Variants in PPIH observed in about 807,000 individuals in gnomAD.
The protein encoded by PPIH is peptidyl-prolyl cis-trans isomerase H.
PPIH carries 16 observed loss-of-function variants against 27.6 expected under a neutral mutation model. That is an observed-to-expected ratio of 0.58 (90% CI 0.39 to 0.88). The LOEUF is 0.88. Ranked by LOEUF, PPIH falls within the 40% of genes least tolerant of loss-of-function variation. PPIH has a pLI of 0.00. For synonymous variants in PPIH, 63 were observed against 76.1 expected, an observed-to-expected ratio of 0.83 and a Z score of 0.90; for missense variants, 155 against 224.1, an observed-to-expected ratio of 0.69 and a Z score of 1.97.
At chr1:42,669,273 C>T (rs1032755094) in intron 9 of PPIH, among the ~76,000 whole-genome samples, 3 of 151,892 alleles carry the variant, frequency 2.0e-5, no homozygotes, top group African/African-American at 7.3e-5. Flanking sequence ...CCCAAATGCT[C>T]CAAAATATGA....
intron 9 of PPIH, 107 bp downstream of exon 9, chr1:42,667,547 C>T: frequency 1.1e-6 from 1 of 883,514 alleles, no homozygotes; most frequent in East Asian, 2.7e-5. Flanking sequence ...AGCCCAGTTC[C>T]TCCGTGTATG....
intron 5 of PPIH, among the ~76,000 whole-genome samples, chr1:42,663,807 CT>C: frequency 6.6e-6 from 1 of 152,194 alleles, no homozygotes; most frequent in Middle Eastern, 3.4e-3. Context: ...AATGGTAGTT[CT>C]TTTCCAAAAA....
intron 5 of PPIH, among the ~76,000 whole-genome samples, chr1:42,661,689 GTTTA>G (rs1300445635): frequency 6.6e-6 from 1 of 152,076 alleles, no homozygotes; most frequent in African/African-American, 2.4e-5. Context: ...TCTTTTATGT[GTTTA>G]TTTAGTCTGA....
At chr1:42,667,660 A>G (rs1053450235) in intron 9 of PPIH, among the ~76,000 whole-genome samples, 1 of 152,188 alleles carries the variant, frequency 6.6e-6, no homozygotes, top group Non-Finnish European at 1.5e-5. Context: ...ATAAAAAGAG[A>G]AAGGGTTGTA....
At chr1:42,658,726 G>A (rs1648808022) in intron 1 of PPIH, 118 bp from the exon 2 acceptor site, 4 of 1,271,136 alleles carry the variant, frequency 3.1e-6, no homozygotes, top group Admixed American at 1.8e-5. Flanking sequence ...TTAGACTAGG[G>A]AGGCGGAGGT....
chr1:42,666,106 A>G, intron 7 of PPIH, 39 bp downstream of exon 7: 1 of 1,572,860 alleles, frequency 6.4e-7, no homozygotes, highest in Non-Finnish European at 8.8e-7. Flanking sequence ...GGCCCCATTC[A>G]CCCTGGATGG....
At chr1:42,677,736 G>A (rs1649931553), downstream of PPIH, among the ~76,000 whole-genome samples, 1 of 152,068 alleles carries the variant, frequency 6.6e-6, no homozygotes, top group Non-Finnish European at 1.5e-5. Flanking sequence ...TGAGGCAGGA[G>A]GATGCTTGAG....
Position 42,667,380 on chromosome 1 carries a change from C to G in PPIH, c.495C>G (p.Pro165=), listed in dbSNP as rs753600098. ...TTCCCACAGGCCCCAACAATAAGCCCAAGCTACCTGTGGTGATCTCGCAGT... is the reference window on the plus strand; with the variant it reads ...TTCCCACAGGCCCCAACAATAAGCCGAAGCTACCTGTGGTGATCTCGCAGT... ...ENVPTGPNNK[P]KLPVVISQCG... is the part of the protein sequence containing the mutation. Residue 165 remains proline, a synonymous_variant, in exon 9 of 10, where the codon CCC becomes CCG. Transcript: ENST00000304979. 1 of 1,609,486 alleles carries G rather than the reference C, an allele frequency of 6.2e-7. No homozygotes were observed. Among genetic ancestry groups the G allele is most frequent in the Admixed American group, 1.7e-5 (1 of 60,012 alleles).
chr1:42,659,303 G>C, intron 3 of PPIH, 52 bp downstream of exon 3: 2 of 1,614,178 alleles, frequency 1.2e-6, no homozygotes, highest in Non-Finnish European at 1.7e-6. Context: ...GGGTGTTCTG[G>C]GGCTGCAGTG....
At chr1:42,667,478 C>T (rs1440189815) in intron 9 of PPIH, 38 bp downstream of exon 9, 73 of 1,501,300 alleles carry the variant, frequency 4.9e-5, no homozygotes, top group Non-Finnish European at 5.5e-6. Flanking sequence ...AGGAATCAGA[C>T]CTCAGAGAAG....
At chr1:42,674,207 A>G (rs59665447) in intron 9 of PPIH, among the ~76,000 whole-genome samples, 73,629 of 152,140 alleles carry the variant, frequency 0.48, 18,020 homozygotes, top group African/African-American at 0.52. Flanking sequence ...GGATCTTCCC[A>G]GAGTGGTTGA....
chr1:42,658,984 T>C, intron 2 of PPIH, 76 bp downstream of exon 2: 7 of 1,492,428 alleles, frequency 4.7e-6, no homozygotes, highest in Non-Finnish European at 6.5e-6. Flanking sequence ...AAATAGCCTG[T>C]CTACCTCTGT....
At chr1:42,664,267 G>A (rs186055972) in intron 5 of PPIH, among the ~76,000 whole-genome samples, 1 of 152,268 alleles carries the variant, frequency 6.6e-6, no homozygotes, top group East Asian at 1.9e-4. Context: ...CTTGCAAATG[G>A]TAGTCACATC....
At chr1:42,665,906 G>T (rs1649305853) in intron 6 of PPIH, 74 bp from the exon 7 acceptor site, 1 of 1,210,122 alleles carries the variant, frequency 8.3e-7, no homozygotes, top group Admixed American at 1.7e-5. Flanking sequence ...AGTGTTACAA[G>T]CTCTTTTGGA....
At chr1:42,659,729 T>G (rs568652480) in intron 4 of PPIH, among the ~76,000 whole-genome samples, 163 bp downstream of exon 4, 1 of 152,352 alleles carries the variant, frequency 6.6e-6, no homozygotes, top group African/African-American at 2.4e-5. Flanking sequence ...CTAACTCTAC[T>G]TACACTCCCC....
Position 42,666,085 on chromosome 1 carries a change from C to G in PPIH, c.424+18C>G. 6.2e-7 allele frequency: 1 copy of G among 1,610,190 alleles called. No individual in the cohort carries two copies. On this transcript the variant is annotated intron_variant, in intron 7 of 9. Coordinates refer to ENST00000304979, the MANE Select transcript of PPIH (RefSeq NM_006347.4). Reference sequence around the variant, plus strand: ...GGTGTTTGGTAAGTCCTACTCCTGTCTCATGGTCCAGGCCCCATTCACCCT... The same window carrying G: ...GGTGTTTGGTAAGTCCTACTCCTGTGTCATGGTCCAGGCCCCATTCACCCT...
intron 9 of PPIH, among the ~76,000 whole-genome samples, chr1:42,669,887 C>G (rs981368491): frequency 6.6e-6 from 1 of 152,124 alleles, no homozygotes; most frequent in Non-Finnish European, 1.5e-5. Context: ...ATAAAATCAT[C>G]TATAATTAAT....
At chr1:42,665,051 T>G in intron 6 of PPIH, 96 bp downstream of exon 6, 1 of 1,019,436 alleles carries the variant, frequency 9.8e-7, no homozygotes, top group South Asian at 1.4e-5. Flanking sequence ...AAGCAAATGC[T>G]TTCCTTCTCT....
chr1:42,679,265 CTG>C (rs987423642), downstream of PPIH, among the ~76,000 whole-genome samples: 1 of 152,254 alleles, frequency 6.6e-6, no homozygotes, highest in Non-Finnish European at 1.5e-5. Flanking sequence ...TCTCAGCTCA[CTG>C]TAACCTCCGC....
Sources: allele counts gnomAD v4.1 joint callset (sites outside exome capture counted in the v4.1 genomes callset), GRCh38; gene constraint gnomAD v4.1.1; transcripts MANE v1.5; gene names NCBI Gene and HGNC (gene_info 2026-07-23, HGNC 2026-07-21).